HS2ST1: variants seen among roughly 807,000 people sequenced by gnomAD.
The protein encoded by HS2ST1 is heparan sulfate 2-O-sulfotransferase 1.
Under a neutral mutation model 42.9 loss-of-function variants are expected in HS2ST1, and 18 were observed. The observed-to-expected ratio is 0.42, with a 90% CI of 0.29 to 0.62. The LOEUF is 0.62. Ranked by LOEUF, HS2ST1 falls within the 20% of genes least tolerant of loss-of-function variation. The pLI, the probability that HS2ST1 is intolerant of heterozygous loss-of-function variation, is 0.21. For missense variants in HS2ST1, 334 were observed against 433.8 expected, an observed-to-expected ratio of 0.77 and a Z score of 2.04; for synonymous variants, 146 against 152.9, an observed-to-expected ratio of 0.95 and a Z score of 0.33.
intron 1 of HS2ST1, among the ~76,000 whole-genome samples, chr1:86,922,770 G>A (rs1437226430): frequency 1.3e-5 from 2 of 151,956 alleles, no homozygotes; most frequent in African/African-American, 2.4e-5. Flanking sequence ...AGTTTCACTA[G>A]GTTTTTAATT....
At chr1:86,990,962 G>A (rs1313555583) in intron 1 of HS2ST1, among the ~76,000 whole-genome samples, 2 of 148,232 alleles carry the variant, frequency 1.3e-5, no homozygotes, top group African/African-American at 5.0e-5. Flanking sequence ...TTATAGGCCT[G>A]AGTGCCCAGC....
At chr1:86,946,893 ATAT>A (rs1308201339) in intron 1 of HS2ST1, among the ~76,000 whole-genome samples, 2 of 152,168 alleles carry the variant, frequency 1.3e-5, no homozygotes, top group African/African-American at 2.4e-5. Context: ...TTATTTTTTC[ATAT>A]TATTATTTTT....
intron 3 of HS2ST1, 66 bp from the exon 4 acceptor site, chr1:87,092,465 A>G: frequency 9.0e-7 from 1 of 1,105,760 alleles, no homozygotes; most frequent in Non-Finnish European, 1.2e-6. Context: ...TAAACATGTA[A>G]TTTCAGGGCA....
At chr1:87,054,350 TC>T (rs1411319708) in intron 1 of HS2ST1, among the ~76,000 whole-genome samples, 3 of 152,142 alleles carry the variant, frequency 2.0e-5, no homozygotes, top group Admixed American at 6.5e-5. Context: ...CCCATAAGAA[TC>T]TGCTTGGTTA....
intron 1 of HS2ST1, among the ~76,000 whole-genome samples, chr1:87,033,218 C>A (rs1650284756): frequency 6.6e-6 from 1 of 152,196 alleles, no homozygotes; most frequent in Non-Finnish European, 1.5e-5. Flanking sequence ...AATCTTTTTC[C>A]ATCTGTACCT....
chr1:87,058,614 C>T (rs1351604636), intron 1 of HS2ST1, among the ~76,000 whole-genome samples: 1 of 151,480 alleles, frequency 6.6e-6, no homozygotes, highest in Non-Finnish European at 1.5e-5. Context: ...ACATTAATTA[C>T]TGTGTTTTGG....
chr1:86,973,406 G>A (rs975601825), intron 1 of HS2ST1, among the ~76,000 whole-genome samples: 1 of 151,992 alleles, frequency 6.6e-6, no homozygotes, highest in African/African-American at 2.4e-5. Context: ...AAATCTTGTA[G>A]TATCACCTAA....
intron 1 of HS2ST1, among the ~76,000 whole-genome samples, chr1:87,024,207 A>G (rs553797824): frequency 6.6e-5 from 10 of 152,242 alleles, no homozygotes; most frequent in African/African-American, 2.4e-4. Flanking sequence ...ATTTTTAAGA[A>G]TCAGGCAGAT....
intron 1 of HS2ST1, among the ~76,000 whole-genome samples, chr1:86,972,974 T>C (rs1195728396): frequency 6.6e-6 from 1 of 152,236 alleles, no homozygotes; most frequent in Non-Finnish European, 1.5e-5. Flanking sequence ...GAGTTATGCA[T>C]ATTTGACAAC....
At chr1:87,077,746 TGATG>T (rs1439254610) in intron 2 of HS2ST1, among the ~76,000 whole-genome samples, 1 of 152,194 alleles carries the variant, frequency 6.6e-6, no homozygotes, top group Non-Finnish European at 1.5e-5. Context: ...GTTAAATAAA[TGATG>T]AATGAATGAA....
chr1:86,947,922 A>G (rs1433783513), intron 1 of HS2ST1, among the ~76,000 whole-genome samples: 2 of 152,172 alleles, frequency 1.3e-5, no homozygotes, highest in African/African-American at 4.8e-5. Flanking sequence ...TATATGGAAC[A>G]TTCAGAAGAG....
Position 86,963,099 on chromosome 1 carries a change from A to T in HS2ST1, c.124+47939A>T, listed in dbSNP as rs1358943478. Among the ~76,000 whole-genome samples, 3 of 151,512 alleles carry T rather than the reference A, an allele frequency of 2.0e-5. No individual in the cohort carries two copies. In the East Asian group the frequency reaches 5.8e-4, roughly 29 times the overall value. Reference sequence around the variant, plus strand: ...AACAAAAAGTCCTGAGAAAGTTCGAATTTTTTTTCATATTTTTCTGTCAGA... The same window carrying T: ...AACAAAAAGTCCTGAGAAAGTTCGATTTTTTTTTCATATTTTTCTGTCAGA... On this transcript the variant is annotated intron_variant, in intron 1 of 6. Transcript: ENST00000370550.
Position 87,105,988 on chromosome 1 carries a change from G to A in HS2ST1, c.*1292G>A, listed in dbSNP as rs1652317362. The A allele has an allele frequency of 1.3e-5, 2 of 152,638 alleles. No homozygotes were observed. The highest frequency in any genetic ancestry group is 2.9e-5 in the Non-Finnish European group (2 of 68,086). 9.5% of individuals were successfully genotyped at this position (152,638 alleles called of 1,614,324 possible). A position where few individuals can be genotyped will look rare whatever the true frequency, so the allele number is the denominator to read the frequency against. ...CTCTTTGCCTCAATTTCCTCATCTTGAAATGAGGATAATAATACCTGCTGT... is the reference window on the plus strand; with the variant it reads ...CTCTTTGCCTCAATTTCCTCATCTTAAAATGAGGATAATAATACCTGCTGT... On this transcript the variant is annotated 3_prime_UTR_variant, in exon 7 of 7. Transcript: ENST00000370550.
At position 87,104,850 on chromosome 1, in the gene HS2ST1, T is replaced by C; in HGVS notation, c.*154T>C. On this transcript the variant is annotated 3_prime_UTR_variant, in exon 7 of 7. Coordinates refer to ENST00000370550, the MANE Select transcript of HS2ST1 (RefSeq NM_012262.4). ...CAGACAGTAACGTCAAGGAAGTAGA[T>C]ACTGGCTGGCATTGTCAGTGTTCTA... 1 of 576,010 alleles carries C rather than the reference T, an allele frequency of 1.7e-6. No individual in the cohort carries two copies. The highest frequency in any genetic ancestry group is 2.3e-5 in the South Asian group (1 of 43,016). 35.7% of individuals were successfully genotyped at this position (576,010 alleles called of 1,614,324 possible).
At chr1:87,071,721 C>CTA (rs1039688984) in intron 1 of HS2ST1, among the ~76,000 whole-genome samples, 11 of 143,012 alleles carry the variant, frequency 7.7e-5, no homozygotes, top group African/African-American at 2.7e-4. Flanking sequence ...AAGCGAGACT[C>CTA]TGTCTCCGAA....
chr1:87,015,844 GTCTATC>G, intron 1 of HS2ST1, among the ~76,000 whole-genome samples: 1 of 151,692 alleles, frequency 6.6e-6, no homozygotes, highest in Middle Eastern at 3.4e-3. Context: ...TTGAGATGGA[GTCTATC>G]TCTGTCACCA....
chr1:86,925,231 T>C (rs969512519), intron 1 of HS2ST1, among the ~76,000 whole-genome samples: 2 of 152,204 alleles, frequency 1.3e-5, no homozygotes, highest in Admixed American at 6.5e-5. Context: ...CTGGACCTTA[T>C]TGTTCATATC....
intron 1 of HS2ST1, among the ~76,000 whole-genome samples, chr1:86,962,481 GT>G (rs1476181673): frequency 2.0e-5 from 3 of 152,148 alleles, no homozygotes; most frequent in Non-Finnish European, 4.4e-5. Flanking sequence ...TACAAAAACA[GT>G]AACCTAACAT....
At chr1:86,983,976 G>C (rs1648679051) in intron 1 of HS2ST1, among the ~76,000 whole-genome samples, 1 of 151,476 alleles carries the variant, frequency 6.6e-6, no homozygotes, top group South Asian at 2.1e-4. Context: ...GGAGGCAAAG[G>C]TTGTGGTGAG....
Sources: gnomAD v4.1 joint callset for allele counts (sites outside exome capture counted in the v4.1 genomes callset) on GRCh38, gnomAD v4.1.1 for gene constraint, MANE v1.5 for transcripts, NCBI Gene and HGNC (gene_info 2026-07-23, HGNC 2026-07-21) for gene names.